LCLAT1: variants seen among roughly 807,000 people sequenced by gnomAD.
LCLAT1 encodes the protein lysocardiolipin acyltransferase 1.
Under a neutral mutation model 30.7 loss-of-function variants are expected in LCLAT1, and 11 were observed. That is an observed-to-expected ratio of 0.36 (90% CI 0.23 to 0.59). LCLAT1 has a LOEUF of 0.59. LCLAT1 is among the 20% of genes least tolerant of loss of function. LCLAT1 has a pLI of 0.77. For missense variants in LCLAT1, 402 were observed against 458.6 expected (o/e 0.88, Z 1.13); for synonymous variants, 155 against 151.3 (o/e 1.02, Z -0.18).
chr2:30,611,845 A>G (rs1369358428), intron 5 of LCLAT1, among the ~76,000 whole-genome samples: 2 of 152,190 alleles, frequency 1.3e-5, no homozygotes, highest in African/African-American at 4.8e-5. Context: ...CATTTGCAGA[A>G]GAGTTTCTCC....
chr2:30,602,592 C>T (rs553868478), intron 5 of LCLAT1, among the ~76,000 whole-genome samples: 114 of 152,308 alleles, frequency 7.5e-4, no homozygotes, highest in African/African-American at 2.7e-3. Flanking sequence ...AAAATCATCA[C>T]TTCTCTGTCT....
Position 30,556,742 on chromosome 2 carries a change from C to CT in LCLAT1, c.365-5384dup, listed in dbSNP as rs35188565. Among the ~76,000 whole-genome samples, 334 of 114,824 alleles carry CT rather than the reference C, an allele frequency of 2.9e-3. 8 individuals carry two copies. The highest frequency in any genetic ancestry group is 0.029 in the South Asian group (108 of 3,772). 75.3% of individuals were successfully genotyped at this position (114,824 alleles called of 152,430 possible). Reference sequence around the variant, plus strand: ...AACAGAAATAGAGTATTTAGAAAGTCTTTTTTTTTTTTTTTTTTTTGAGAC... The same window carrying CT: ...AACAGAAATAGAGTATTTAGAAAGTCTTTTTTTTTTTTTTTTTTTTTGAGAC... On this transcript the variant is annotated intron_variant, in intron 3 of 5. Coordinates refer to ENST00000379509, the MANE Select transcript of LCLAT1 (RefSeq NM_001002257.3).
chr2:30,562,352 A>C (rs770485874), intron 4 of LCLAT1, 60 bp downstream of exon 4: 21 of 1,376,216 alleles, frequency 1.5e-5, no homozygotes, highest in Non-Finnish European at 2.0e-5. Context: ...CTCATTTCTC[A>C]GATGAAGTAA....
intron 1 of LCLAT1, among the ~76,000 whole-genome samples, chr2:30,457,380 C>T (rs1041886061): frequency 6.6e-6 from 1 of 152,172 alleles, no homozygotes; most frequent in African/African-American, 2.4e-5. Context: ...CAGTGGAACC[C>T]AGGTGCTGGC....
At chr2:30,605,492 A>C (rs927272173) in intron 5 of LCLAT1, among the ~76,000 whole-genome samples, 2 of 152,190 alleles carry the variant, frequency 1.3e-5, no homozygotes, top group African/African-American at 2.4e-5. Flanking sequence ...GTTTATTCAG[A>C]CTTTCTCTTT....
chr2:30,459,100 T>A (rs912025947), intron 1 of LCLAT1, among the ~76,000 whole-genome samples: 7 of 152,180 alleles, frequency 4.6e-5, no homozygotes, highest in African/African-American at 1.7e-4. Context: ...CTTGCTTTCC[T>A]TCTTTAGGAA....
intron 5 of LCLAT1, chr2:30,606,235 A>G (rs1667443704): frequency 3.2e-6 from 1 of 316,780 alleles, no homozygotes; most frequent in Non-Finnish European, 6.3e-6. Context: ...ATTAGAAAAA[A>G]CTCTTAAAAT....
At chr2:30,554,920 A>G (rs957958901) in intron 3 of LCLAT1, among the ~76,000 whole-genome samples, 3 of 152,084 alleles carry the variant, frequency 2.0e-5, no homozygotes, top group Non-Finnish European at 4.4e-5. Flanking sequence ...GAAAATATGA[A>G]TGAAGAGAAA....
At chr2:30,593,753 A>G (rs1341579059) in intron 5 of LCLAT1, among the ~76,000 whole-genome samples, 2 of 152,104 alleles carry the variant, frequency 1.3e-5, no homozygotes, top group Admixed American at 6.5e-5. Context: ...GAGCTTTTAA[A>G]TGTCCTATTC....
At chr2:30,601,632 T>C (rs1478185938) in intron 5 of LCLAT1, among the ~76,000 whole-genome samples, 1 of 149,062 alleles carries the variant, frequency 6.7e-6, no homozygotes, top group Non-Finnish European at 1.5e-5. Context: ...TACAGACTCA[T>C]GGTCAGCAGT....
intron 5 of LCLAT1, among the ~76,000 whole-genome samples, chr2:30,577,433 A>G (rs1666045951): frequency 6.6e-6 from 1 of 152,102 alleles, no homozygotes; most frequent in Non-Finnish European, 1.5e-5. Flanking sequence ...CCTACTTGGT[A>G]AGATTACTGA....
intron 1 of LCLAT1, among the ~76,000 whole-genome samples, chr2:30,525,347 G>A (rs1685658870): frequency 6.6e-6 from 1 of 152,116 alleles, no homozygotes. Context: ...AAAGTGCTGG[G>A]ATTGCAGCGT....
intron 3 of LCLAT1, among the ~76,000 whole-genome samples, chr2:30,555,901 G>A (rs541210252): frequency 1.2e-3 from 172 of 145,872 alleles, no homozygotes; most frequent in Middle Eastern, 3.6e-3. Context: ...GCACTGGCGC[G>A]ATCTGGGCTC....
intron 1 of LCLAT1, among the ~76,000 whole-genome samples, chr2:30,455,944 G>A (rs561342782): frequency 7.0e-4 from 104 of 148,502 alleles, no homozygotes; most frequent in Non-Finnish European, 7.0e-4. Context: ...AAAATTGGAA[G>A]TGCTCCCTAC....
intron 1 of LCLAT1, among the ~76,000 whole-genome samples, chr2:30,454,835 G>A (rs937958670): frequency 1.6e-4 from 24 of 152,342 alleles, no homozygotes; most frequent in African/African-American, 5.1e-4. Context: ...TGTTCACTAA[G>A]AATGGGAAGG....
chr2:30,466,563 C>G (rs566387723), intron 1 of LCLAT1, among the ~76,000 whole-genome samples: 1 of 152,182 alleles, frequency 6.6e-6, no homozygotes, highest in East Asian at 1.9e-4. Flanking sequence ...TATTTCAGTA[C>G]AGCTTTGTAT....
chr2:30,610,487 G>A (rs1667684822), intron 5 of LCLAT1, among the ~76,000 whole-genome samples: 1 of 152,046 alleles, frequency 6.6e-6, no homozygotes, highest in African/African-American at 2.4e-5. Context: ...AAGGTCTGGT[G>A]GAAATTGTTT....
chr2:30,540,482 T>G (rs531968404), intron 3 of LCLAT1, among the ~76,000 whole-genome samples: 2 of 152,106 alleles, frequency 1.3e-5, no homozygotes, highest in Non-Finnish European at 2.9e-5. Context: ...TAGATCAGAG[T>G]ATGAGAGATA....
At chr2:30,543,382 T>G (rs1429533419) in intron 3 of LCLAT1, among the ~76,000 whole-genome samples, 1 of 152,186 alleles carries the variant, frequency 6.6e-6, no homozygotes, top group African/African-American at 2.4e-5. Context: ...TTTGTATCTG[T>G]GTTCAATAAG....
Sources: allele counts gnomAD v4.1 joint callset (sites outside exome capture counted in the v4.1 genomes callset), GRCh38; gene constraint gnomAD v4.1.1; transcripts MANE v1.5; gene names NCBI Gene and HGNC (gene_info 2026-07-23, HGNC 2026-07-21).